Variants in ZNF155 observed in about 807,000 individuals in gnomAD.
ZNF155 encodes zinc finger protein 155, also known as KRAB A domain.
Under a neutral mutation model 11.9 loss-of-function variants are expected in ZNF155, and 15 were observed. The ratio of observed to expected loss-of-function variants is 1.26; its 90% CI spans 0.84 to 1.94. The LOEUF is 1.94. Among genes scored for constraint, ZNF155 ranks in the 30% most tolerant of loss-of-function variants. The probability of loss-of-function intolerance (pLI) is 0.00; values close to 1 mark genes in which losing one functional copy is unlikely to be tolerated. For synonymous variants in ZNF155, 212 were observed against 219.9 expected (o/e 0.96, Z 0.32); for missense variants, 602 against 639.1 (o/e 0.94, Z 0.63).
In ZNF155 at chr19:43,996,772, C is replaced by G; in HGVS notation, c.915C>G (p.Ser305Arg). ...TCTATTTTAGGTCAAGACTTAAGAG[C>G]CATTCCATGGTTCACACAGGAGAAA... is the stretch of plus-strand genomic sequence containing the variant. ...KTFYFRSRLK[S>R]HSMVHTGEKP... The change falls in exon 5 of 5, where the codon AGC becomes AGG. Residue 305 changes from serine to arginine, a missense_variant. Physicochemically the swap from Ser to Arg is moderately radical, Grantham distance 110. Transcript: ENST00000270014. 2 of 1,614,004 alleles carry G rather than the reference C, an allele frequency of 1.2e-6. No individual in the cohort carries two copies. Among genetic ancestry groups the G allele is most frequent in the Non-Finnish European group, 1.7e-6 (2 of 1,179,994 alleles).
In ZNF155 at chr19:43,996,691, T is replaced by G; in HGVS notation, c.834T>G (p.His278Gln). The G allele has an allele frequency of 6.2e-7, 1 of 1,614,090 alleles. No homozygotes were observed. The highest frequency in any genetic ancestry group is 1.1e-5 in the South Asian group (1 of 91,080). Residue 278 changes from histidine to glutamine, a missense_variant, in exon 5 of 5, where the codon CAT (histidine) becomes CAG (glutamine). Coordinates refer to ENST00000270014, the MANE Select transcript of ZNF155 (RefSeq NM_198089.3). The part of the protein sequence containing the change: ...AFIHDSQLKE[H>Q]KRIHTGEKPF... ...TTCATGATTCCCAGCTTAAGGAACA[T>G]AAGAGAATCCATACTGGGGAGAAAC...
rs1490644364 is a variant in ZNF155 at position 43,996,702 on chromosome 19, A to G, written c.845A>G (p.His282Arg). ...CAGCTTAAGGAACATAAGAGAATCCATACTGGGGAGAAACCATTCAAATGT... is the reference window on the plus strand; with the variant it reads ...CAGCTTAAGGAACATAAGAGAATCCGTACTGGGGAGAAACCATTCAAATGT... The part of the protein sequence containing the change: ...DSQLKEHKRI[H>R]TGEKPFKCDI... The change falls in exon 5 of 5, where the codon CAT becomes CGT. Residue 282 changes from histidine to arginine, a missense_variant. By Grantham distance (29) the His-to-Arg change is conservative (BLOSUM62 0). Coordinates refer to ENST00000270014, the MANE Select transcript of ZNF155 (RefSeq NM_198089.3). 4 of 1,614,206 alleles carry G rather than the reference A, an allele frequency of 2.5e-6. No homozygotes were observed. Among genetic ancestry groups the G allele is most frequent in the East Asian group, 4.5e-5 (2 of 44,876 alleles).
chr19:43,990,569 G>C (rs1975622988), intron 2 of ZNF155, among the ~76,000 whole-genome samples: 1 of 152,180 alleles, frequency 6.6e-6, no homozygotes, highest in South Asian at 2.1e-4. Flanking sequence ...CAGACCCTTA[G>C]GATGTACAGT....
chr19:43,992,747 G>A (rs559381991), intron 4 of ZNF155, among the ~76,000 whole-genome samples: 9 of 152,324 alleles, frequency 5.9e-5, no homozygotes, highest in African/African-American at 9.6e-5. Flanking sequence ...GGCGTCTGCC[G>A]TTTTAATCCC....
rs542241106 is a variant in ZNF155, at chr19:43,991,997, T to C, written c.235+63T>C. 172 of 1,436,780 alleles carry C rather than the reference T, an allele frequency of 1.2e-4. 1 individual carries two copies. The African/African-American group carries it at 1.5e-3, about 12-fold the overall frequency. 89.0% of individuals were successfully genotyped at this position (1,436,780 alleles called of 1,614,324 possible). A position where few individuals can be genotyped will look rare whatever the true frequency, so the allele number is the denominator to read the frequency against. ...CTCCCACCTGTTGTGCTTCTGTCCA[T>C]GCCCATTTGCATTGCTCTGATGTAA... is the stretch of plus-strand genomic sequence containing the variant. On this transcript the variant is annotated intron_variant, in intron 4 of 4. Transcript: ENST00000270014.
chr19:43,991,607 G>A lies in ZNF155; in HGVS notation c.75G>A (p.Leu25=), dbSNP rs1487897441. Residue 25 remains leucine (L), a synonymous_variant, in exon 3 of 5, where the codon CTG becomes CTA. Coordinates refer to ENST00000270014, the MANE Select transcript of ZNF155 (RefSeq NM_198089.3). ...VVFTEEELGL[L]DPAQRKLYRD... is the part of the protein sequence containing the mutation. ...TCACTGAGGAGGAGCTGGGGCTGCT[G>A]GACCCTGCCCAGAGGAAGCTGTACC... is the stretch of plus-strand genomic sequence containing the variant. 1.9e-6 allele frequency: 3 copies of A among 1,614,128 alleles called. No individual in the cohort carries two copies. The highest frequency in any genetic ancestry group is 1.3e-5 in the African/African-American group (1 of 75,032).
chr19:43,997,498 C>G lies in ZNF155; in HGVS notation c.*24C>G. 2.6e-6 allele frequency: 4 copies of G among 1,547,494 alleles called. No individual in the cohort carries two copies. Among genetic ancestry groups the G allele is most frequent in the Non-Finnish European group, 3.5e-6 (4 of 1,146,898 alleles). Reference sequence around the variant, plus strand: ...AATTGTTCATATTTATGGGGTACAACGTGCTATTTTAATGTGTGCATACAA... The same window carrying G: ...AATTGTTCATATTTATGGGGTACAAGGTGCTATTTTAATGTGTGCATACAA... On this transcript the variant is annotated 3_prime_UTR_variant, in exon 5 of 5. Coordinates refer to ENST00000270014, the MANE Select transcript of ZNF155 (RefSeq NM_198089.3).
chr19:43,991,481 T>G (rs1975662745), intron 2 of ZNF155, 67 bp from the exon 3 acceptor site: 1 of 1,611,314 alleles, frequency 6.2e-7, no homozygotes, highest in East Asian at 2.2e-5. Flanking sequence ...CTTCCCCTGC[T>G]CAATGCCGCT....
At position 43,996,659 on chromosome 19, in the gene ZNF155, GCCTT is replaced by G; in HGVS notation, c.804_807del (p.Ile270MetfsTer87). 1 of 1,613,764 alleles carries G rather than the reference GCCTT, an allele frequency of 6.2e-7. No homozygotes were observed. Among genetic ancestry groups the G allele is most frequent in the Non-Finnish European group, 8.5e-7 (1 of 1,179,916 alleles). On this transcript the variant is annotated frameshift_variant, in exon 5 of 5. Coordinates refer to ENST00000270014, the MANE Select transcript of ZNF155 (RefSeq NM_198089.3). LOFTEE classifies it low-confidence loss of function (END_TRUNC). ...TTACATTTGTGAGGCATGTGGGAAG[GCCTT>G]CATTCATGATTCCCAGCTTAAGGAA...
chr19:43,988,603 A>G lies in ZNF155; in HGVS notation c.15+45A>G, dbSNP rs369240567. On this transcript the variant is annotated intron_variant, in intron 2 of 4. Coordinates refer to ENST00000270014, the MANE Select transcript of ZNF155 (RefSeq NM_198089.3). ...CTCGCTGTTAAAATTCCATGTCACTACTCATATTTTCATGTGTTTTTCTCT... is the reference window on the plus strand; with the variant it reads ...CTCGCTGTTAAAATTCCATGTCACTGCTCATATTTTCATGTGTTTTTCTCT... 17 of 1,574,260 alleles carry G rather than the reference A, an allele frequency of 1.1e-5. No individual in the cohort carries two copies. In the African/African-American group the frequency reaches 2.3e-4, roughly 21 times the overall value.
chr19:43,997,169 G>A lies in ZNF155; in HGVS notation c.1312G>A (p.Val438Ile), dbSNP rs764370096. 2.8e-4 allele frequency: 447 copies of A among 1,614,038 alleles called. No homozygotes were observed. The highest frequency in any genetic ancestry group is 3.5e-4 in the Non-Finnish European group (416 of 1,180,032). The change falls in exon 5 of 5, where the codon GTT becomes ATT. Residue 438 changes from valine to isoleucine, a missense_variant. Coordinates refer to ENST00000270014, the MANE Select transcript of ZNF155 (RefSeq NM_198089.3). ...YKCEECGKGYVTKFNLDLHQR... is the reference protein window; with the variant it reads ...YKCEECGKGYITKFNLDLHQR... Reference sequence around the variant, plus strand: ...ATGTGAGGAGTGTGGGAAGGGCTATGTTACTAAGTTTAATCTTGACTTGCA... The same window carrying A: ...ATGTGAGGAGTGTGGGAAGGGCTATATTACTAAGTTTAATCTTGACTTGCA...
In ZNF155 at chr19:43,997,658, C is replaced by A; in HGVS notation, c.*184C>A. ...GGGAAGGGTCCCTGGAGACCCCCAG[C>A]CAAACGGGTCAGTGTCTCATCCCCA... On this transcript the variant is annotated 3_prime_UTR_variant, in exon 5 of 5. Transcript: ENST00000270014. The A allele has an allele frequency of 1.6e-6, 1 of 607,348 alleles. No individual in the cohort carries two copies. Among genetic ancestry groups the A allele is most frequent in the Non-Finnish European group, 2.8e-6 (1 of 361,768 alleles). 37.6% of individuals were successfully genotyped at this position (607,348 alleles called of 1,614,324 possible). A position where few individuals can be genotyped will look rare whatever the true frequency, so the allele number is the denominator to read the frequency against.
Position 43,996,839 on chromosome 19 carries a change from A to C in ZNF155, c.982A>C (p.Arg328=), listed in dbSNP as rs1431129131. Residue 328 remains arginine (R), a synonymous_variant, in exon 5 of 5, where the codon AGA becomes CGA. Transcript: ENST00000270014. ...TACATGTGATAAGAGCTTTCATCAG[A>C]GATCAGCACTTAATAGGCATTGCAT... ...CDTCDKSFHQ[R]SALNRHCMVH... 6.2e-7 allele frequency: 1 copy of C among 1,614,112 alleles called. No individual in the cohort carries two copies. The highest frequency in any genetic ancestry group is 8.5e-7 in the Non-Finnish European group (1 of 1,180,046).
intron 2 of ZNF155, 126 bp from the exon 3 acceptor site, chr19:43,991,422 T>C: frequency 6.7e-7 from 1 of 1,497,148 alleles, no homozygotes; most frequent in Non-Finnish European, 9.1e-7. Context: ...GGGAAATCTC[T>C]AAGTTGACCT....
chr19:43,987,786 G>A (rs1975513687), intron 1 of ZNF155, among the ~76,000 whole-genome samples: 5 of 152,190 alleles, frequency 3.3e-5, no homozygotes, highest in Admixed American at 3.3e-4. Flanking sequence ...TATGGACTCA[G>A]TCTTGTTAAG....
In ZNF155 at chr19:43,992,555, G is replaced by A. The variant is rs573510186; in HGVS notation, c.235+621G>A. 1.0e-3 allele frequency among the ~76,000 whole-genome samples: 152 copies of A among 152,248 alleles called. 2 individuals are homozygous for A. The highest frequency in any genetic ancestry group is 3.4e-3 in the African/African-American group (140 of 41,538). ...CCACACTCCCTGGCTCTTGTTTCAC[G>A]TCTCCATCTTCGAAGGCAGCTACTT... On this transcript the variant is annotated intron_variant, in intron 4 of 4. Transcript: ENST00000270014.
At chr19:43,990,013 C>A in intron 2 of ZNF155, 1 of 1,447,114 alleles carries the variant, frequency 6.9e-7, no homozygotes, top group South Asian at 1.4e-5. Flanking sequence ...ATGATTTGTT[C>A]CCCAAATCAG....
At chr19:43,986,963 T>C (rs1016249640) in intron 1 of ZNF155, among the ~76,000 whole-genome samples, 4 of 152,276 alleles carry the variant, frequency 2.6e-5, no homozygotes, top group African/African-American at 9.6e-5. Flanking sequence ...GAGACGATTG[T>C]AGATTTCTGC....
intron 2 of ZNF155, chr19:43,989,999 T>C (rs1975596063): frequency 1.4e-6 from 2 of 1,386,138 alleles, no homozygotes; most frequent in South Asian, 1.5e-5. Context: ...GTGAGAATAA[T>C]AGAATGATTT....
Sources: gnomAD v4.1 joint callset for allele counts (sites outside exome capture counted in the v4.1 genomes callset) on GRCh38, gnomAD v4.1.1 for gene constraint, MANE v1.5 for transcripts, NCBI Gene and HGNC (gene_info 2026-07-23, HGNC 2026-07-21) for gene names.